WWOX: variants seen among roughly 807,000 people sequenced by gnomAD.
WWOX encodes WW domain containing oxidoreductase.
Under a neutral mutation model 46.2 loss-of-function variants are expected in WWOX, and 69 were observed. The observed-to-expected ratio is 1.49, with a 90% CI of 1.23 to 1.82. The LOEUF (loss-of-function observed/expected upper bound fraction) is 1.82, where lower values mean the gene tolerates loss of function less well. WWOX is among the 40% of genes most tolerant of loss of function. The probability of loss-of-function intolerance (pLI) is 0.00; values close to 1 mark genes in which losing one functional copy is unlikely to be tolerated. For missense variants in WWOX, 919 were observed against 542.6 expected, an observed-to-expected ratio of 1.69 and a Z score of -6.89; for synonymous variants, 359 against 202.6, an observed-to-expected ratio of 1.77 and a Z score of -6.56.
chr16:78,942,864 G>A (rs2045879024), intron 8 of WWOX, among the ~76,000 whole-genome samples: 3 of 152,172 alleles, frequency 2.0e-5, no homozygotes, highest in Admixed American at 6.5e-5. Flanking sequence ...CTAGGTCAAA[G>A]ACAGCTCTTT....
chr16:78,344,741 C>T lies in WWOX; in HGVS notation c.517-42119C>T, dbSNP rs148221611. 4.6e-4 allele frequency among the ~76,000 whole-genome samples: 56 copies of T among 121,888 alleles called. 4 individuals are homozygous for T. The East Asian group carries it at 9.5e-3, about 21-fold the overall frequency. 80.0% of individuals were successfully genotyped at this position (121,888 alleles called of 152,430 possible). On this transcript the variant is annotated intron_variant, in intron 5 of 8. Coordinates refer to ENST00000566780, the MANE Select transcript of WWOX (RefSeq NM_016373.4). ...AAAAGAATTCTCCATTCCAACTTCC[C>T]AAGTCAGTTGCCATTTGGCCCTGAT...
intron 6 of WWOX, among the ~76,000 whole-genome samples, chr16:78,419,625 C>CAAAAAAAAAAAA (rs60762734): frequency 1.7e-3 from 75 of 44,662 alleles, no homozygotes; most frequent in African/African-American, 3.6e-3. Context: ...CAAAAAATAG[C>CAAAAAAAAAAAA]AAAAAAAAAA....
intron 4 of WWOX, among the ~76,000 whole-genome samples, chr16:78,139,955 G>A (rs571243740): frequency 3.9e-5 from 6 of 152,292 alleles, no homozygotes; most frequent in East Asian, 1.9e-4. Flanking sequence ...TTCTGACCCC[G>A]TTGGACAAGG....
intron 8 of WWOX, among the ~76,000 whole-genome samples, chr16:78,832,341 G>C (rs574209441): frequency 1.3e-5 from 2 of 152,204 alleles, no homozygotes; most frequent in Non-Finnish European, 1.5e-5. Context: ...GTGTGAGGAA[G>C]ATGTGGCATG....
intron 8 of WWOX, among the ~76,000 whole-genome samples, chr16:79,027,109 A>G (rs1190573679): frequency 6.6e-6 from 1 of 151,334 alleles, no homozygotes; most frequent in African/African-American, 2.4e-5. Context: ...GTGAGACCCC[A>G]TCTCTACAAA....
At chr16:78,989,165 C>G (rs78135428) in intron 8 of WWOX, among the ~76,000 whole-genome samples, 5,886 of 152,160 alleles carry the variant, frequency 0.039, 199 homozygotes, top group Non-Finnish European at 0.053. Flanking sequence ...CTTATTGTAT[C>G]TCCCCAGGGT....
At chr16:78,392,356 C>T (rs1292829922) in intron 6 of WWOX, among the ~76,000 whole-genome samples, 1 of 152,162 alleles carries the variant, frequency 6.6e-6, no homozygotes, top group Non-Finnish European at 1.5e-5. Context: ...CTCCCATCAC[C>T]TTCAAGATGG....
chr16:79,054,080 A>G (rs191253840), intron 8 of WWOX, among the ~76,000 whole-genome samples: 2 of 152,254 alleles, frequency 1.3e-5, no homozygotes, highest in East Asian at 3.9e-4. Flanking sequence ...GAGCCAATAA[A>G]AGAAGCTATA....
chr16:78,165,651 C>T (rs570673426), intron 5 of WWOX, among the ~76,000 whole-genome samples: 29 of 152,106 alleles, frequency 1.9e-4, no homozygotes, highest in Non-Finnish European at 3.4e-4. Context: ...CTGTGGAGGC[C>T]GTCTTCATTT....
At chr16:78,962,968 T>C (rs1039138265) in intron 8 of WWOX, among the ~76,000 whole-genome samples, 2 of 152,218 alleles carry the variant, frequency 1.3e-5, no homozygotes, top group Admixed American at 6.5e-5. Context: ...TCATTCTTTA[T>C]TGTCATTCTT....
intron 8 of WWOX, among the ~76,000 whole-genome samples, chr16:79,036,232 C>G (rs1559443): frequency 0.38 from 58,168 of 152,090 alleles, 11,864 homozygotes; most frequent in East Asian, 0.63. Flanking sequence ...TTTCTCCCCA[C>G]TCTGTCAACC....
intron 8 of WWOX, among the ~76,000 whole-genome samples, chr16:79,173,286 C>T (rs1256838903): frequency 1.3e-5 from 2 of 151,652 alleles, no homozygotes; most frequent in Non-Finnish European, 2.9e-5. Flanking sequence ...CCTGCATGTC[C>T]ATGTGCCATG....
intron 8 of WWOX, among the ~76,000 whole-genome samples, chr16:78,685,033 G>C (rs146112993): frequency 3.2e-3 from 483 of 152,212 alleles, no homozygotes; most frequent in Non-Finnish European, 5.0e-3. Flanking sequence ...CAATCCTCAG[G>C]ATTATTTTTT....
intron 8 of WWOX, among the ~76,000 whole-genome samples, chr16:78,531,904 A>G (rs954565129): frequency 1.3e-5 from 2 of 152,150 alleles, no homozygotes; most frequent in Admixed American, 6.5e-5. Context: ...AAACCTGCCA[A>G]CTACAATAAC....
chr16:79,064,033 A>T (rs2048399753), intron 8 of WWOX, among the ~76,000 whole-genome samples: 1 of 152,222 alleles, frequency 6.6e-6, no homozygotes, highest in African/African-American at 2.4e-5. Context: ...TGTATTTTAG[A>T]AGCCTCAGAA....
chr16:79,092,941 A>G (rs1333451227), intron 8 of WWOX, among the ~76,000 whole-genome samples: 1 of 152,164 alleles, frequency 6.6e-6, no homozygotes, highest in African/African-American at 2.4e-5. Context: ...TTCATCTATA[A>G]TATAGAATGC....
At chr16:79,182,825 C>T (rs2050938804) in intron 8 of WWOX, among the ~76,000 whole-genome samples, 1 of 152,162 alleles carries the variant, frequency 6.6e-6, no homozygotes, top group South Asian at 2.1e-4. Flanking sequence ...GTGTGTGTTA[C>T]AGAAATATAT....
intron 8 of WWOX, among the ~76,000 whole-genome samples, chr16:78,586,446 T>G (rs1166917806): frequency 6.6e-6 from 1 of 152,178 alleles, no homozygotes; most frequent in Non-Finnish European, 1.5e-5. Context: ...GTTTTTCTAC[T>G]TGAATTCTAT....
intron 8 of WWOX, among the ~76,000 whole-genome samples, chr16:78,651,184 A>C (rs1197362169): frequency 6.6e-6 from 1 of 152,244 alleles, no homozygotes; most frequent in Non-Finnish European, 1.5e-5. Flanking sequence ...TCAAAGTAGC[A>C]CCACTGTACA....
Sources: allele counts gnomAD v4.1 joint callset (sites outside exome capture counted in the v4.1 genomes callset), GRCh38; gene constraint gnomAD v4.1.1; transcripts MANE v1.5; gene names NCBI Gene and HGNC (gene_info 2026-07-23, HGNC 2026-07-21).